The following GOSR2 variants were observed in gnomAD, a reference collection of about 807,000 sequenced individuals.
The protein encoded by GOSR2 is 27 kDa Golgi SNARE protein.
Under a neutral mutation model 27.9 loss-of-function variants are expected in GOSR2, and 20 were observed. The observed-to-expected ratio is 0.72, with a 90% CI of 0.50 to 1.04. The LOEUF (loss-of-function observed/expected upper bound fraction) is 1.04, where lower values mean the gene tolerates loss of function less well. Among genes scored for constraint, GOSR2 ranks in the 50% least tolerant of loss-of-function variants. The pLI, the probability that GOSR2 is intolerant of heterozygous loss-of-function variation, is 0.00. For synonymous variants in GOSR2, 91 were observed against 98.8 expected (o/e 0.92, Z 0.47); for missense variants, 261 against 270.5 (o/e 0.97, Z 0.25).
At chr17:46,923,261 C>T (rs1382099701) in intron 1 of GOSR2, 40 bp downstream of exon 1, 3 of 1,549,748 alleles carry the variant, frequency 1.9e-6, no homozygotes, top group Non-Finnish European at 2.6e-6. Flanking sequence ...CTAGACGAGG[C>T]GAGGCCAGGT....
In GOSR2 at chr17:46,966,626, G is replaced by A. The variant is rs1461610513; in HGVS notation, c.676G>A (p.Gly226Ser). 1.3e-5 allele frequency: 9 copies of A among 667,882 alleles called. No homozygotes were observed. The East Asian group carries it at 1.4e-4, about 10-fold the overall frequency. The allele number at this position is 667,882 out of a possible 1,614,324, so 41.4% of individuals were successfully genotyped here. A position where few individuals can be genotyped will look rare whatever the true frequency, so the allele number is the denominator to read the frequency against. The change falls in exon 7 of 7, where the codon GGT (glycine) becomes AGT (serine). Residue 226 changes from glycine (G) to serine (S), a missense_variant. Gly to Ser is a moderately conservative substitution (Grantham distance 56). Transcript: ENST00000573224. ...AGCCTCCCGAAGTGCTGGGATTATAGGTATGAGCCACCACCCTGACCTCCA... is the reference window on the plus strand; with the variant it reads ...AGCCTCCCGAAGTGCTGGGATTATAAGTATGAGCCACCACCCTGACCTCCA...
At chr17:46,965,985 A>G (rs1334428446) in intron 6 of GOSR2, among the ~76,000 whole-genome samples, 1 of 151,930 alleles carries the variant, frequency 6.6e-6, no homozygotes, top group Non-Finnish European at 1.5e-5. Flanking sequence ...GGGCTGGAGT[A>G]TTTAGCCCAC....
chr17:46,925,922 G>A (rs1423182559), intron 1 of GOSR2, among the ~76,000 whole-genome samples: 3 of 152,112 alleles, frequency 2.0e-5, no homozygotes, highest in Admixed American at 1.3e-4. Context: ...CTTTATAGAG[G>A]AGCTAATAGC....
exon 7 of GOSR2, chr17:46,975,337 G>T (rs1239231547): frequency 6.6e-6 from 1 of 152,190 alleles, no homozygotes; most frequent in African/African-American, 2.4e-5. Context: ...ATTTATCGGT[G>T]CATCCTGGGA....
Position 46,928,532 on chromosome 17 carries a change from G to A in GOSR2, c.30-988G>A, listed in dbSNP as rs184574205. Among the ~76,000 whole-genome samples the A allele has an allele frequency of 1.1e-4, 17 of 152,248 alleles. No homozygotes were observed. In the East Asian group the frequency reaches 2.7e-3, roughly 24 times the overall value. ...TGATCATGGAGGACCATTAGGAAGG[G>A]GGTCTTAAGGATGACCTTGGCCAGA... On this transcript the variant is annotated intron_variant, in intron 1 of 5. Coordinates refer to ENST00000640051, the MANE Select transcript of GOSR2 (RefSeq NM_004287.5).
At chr17:46,971,057 G>A (rs981011328), downstream of GOSR2, among the ~76,000 whole-genome samples, 10 of 151,924 alleles carry the variant, frequency 6.6e-5, no homozygotes, top group Non-Finnish European at 8.8e-5. Flanking sequence ...TTGTATCATC[G>A]CTTTAAAACA....
At position 46,940,773 on chromosome 17, in the gene GOSR2, T is replaced by C; in HGVS notation, c.*2013T>C. ...CACCTTCAGAGCCAGTCCTCTAGTT[T>C]GGAATAAAAATTGCAGAGGTGGTTT... On this transcript the variant is annotated 3_prime_UTR_variant, in exon 6 of 6. Transcript: ENST00000640051. 1 of 1,523,548 alleles carries C rather than the reference T, an allele frequency of 6.6e-7. No homozygotes were observed. The highest frequency in any genetic ancestry group is 8.8e-7 in the Non-Finnish European group (1 of 1,137,494). The allele number at this position is 1,523,548 out of a possible 1,614,324, so 94.4% of individuals were successfully genotyped here.
intron 4 of GOSR2, chr17:46,932,497 A>G: frequency 1.7e-6 from 1 of 592,246 alleles, no homozygotes; most frequent in Non-Finnish European, 3.0e-6. Flanking sequence ...CATGGTGGAA[A>G]CGTTTTTCTG....
chr17:46,926,429 C>A (rs183176283), intron 1 of GOSR2, among the ~76,000 whole-genome samples: 1 of 152,240 alleles, frequency 6.6e-6, no homozygotes, highest in East Asian at 1.9e-4. Flanking sequence ...TTAAAAAATT[C>A]TTCCTAGATC....
At chr17:46,923,533 GTCAACTCGGTGCTCC>G in intron 1 of GOSR2, 1 of 1,340,224 alleles carries the variant, frequency 7.5e-7, no homozygotes, top group African/African-American at 1.5e-5. Context: ...TCCAGCACTT[GTCAACTCGGTGCTCC>G]TGGTTGGTAG....
downstream of GOSR2, among the ~76,000 whole-genome samples, chr17:46,944,509 T>TC (rs1391398583): frequency 2.0e-5 from 3 of 151,820 alleles, no homozygotes; most frequent in Non-Finnish European, 4.4e-5. Flanking sequence ...CTTCCTGGAG[T>TC]CCCCCAGAGA....
chr17:46,956,568 CT>C (rs1279968502), intron 6 of GOSR2, among the ~76,000 whole-genome samples: 3 of 152,314 alleles, frequency 2.0e-5, no homozygotes, highest in Admixed American at 2.0e-4. Flanking sequence ...TACCAAAGTG[CT>C]GGGATTACAG....
At chr17:46,933,434 C>T (rs1406656489) in intron 4 of GOSR2, 4 of 152,202 alleles carry the variant, frequency 2.6e-5, no homozygotes, top group Admixed American at 6.5e-5. Flanking sequence ...GTCTTTCAAA[C>T]GCCAGCATCT....
intron 6 of GOSR2, among the ~76,000 whole-genome samples, chr17:46,951,180 T>C (rs1405748892): frequency 3.9e-5 from 6 of 152,164 alleles, no homozygotes; most frequent in African/African-American, 1.2e-4. Context: ...CAGACCACGC[T>C]GTCCCTAGGA....
Position 46,940,394 on chromosome 17 carries a change from T to A in GOSR2, c.*1634T>A. On this transcript the variant is annotated 3_prime_UTR_variant, in exon 6 of 6. Coordinates refer to ENST00000640051, the MANE Select transcript of GOSR2 (RefSeq NM_004287.5). ...AGTGACTGGAGGGTGGACTGGGGGG[T>A]TGCAGCATCTTTAGACCTAGATCTG... The A allele has an allele frequency of 6.4e-7, 1 of 1,551,794 alleles. No individual in the cohort carries two copies. The highest frequency in any genetic ancestry group is 1.2e-5 in the South Asian group (1 of 85,646).
intron 2 of GOSR2, 68 bp downstream of exon 2, chr17:46,929,652 T>C (rs566881561): frequency 1.6e-5 from 13 of 820,910 alleles, no homozygotes; most frequent in East Asian, 1.5e-4. Context: ...CTGGGCTTCC[T>C]GACTGCACTC....
rs546817703 is a variant in GOSR2, at chr17:46,964,172, G to C, written c.584-2362G>C. The C allele has an allele frequency of 5.9e-5, 9 of 152,226 alleles. No homozygotes were observed. In the East Asian group the frequency reaches 1.5e-3, roughly 26 times the overall value. The allele number at this position is 152,226 out of a possible 1,614,324, so 9.4% of individuals were successfully genotyped here. On this transcript the variant is annotated intron_variant, in intron 6 of 6. Coordinates refer to the GOSR2 transcript ENST00000573224. ...ATTCTTCTGGGACATCAGGTGTTAG[G>C]GACCATCTTAGTCCCTACCTCAGTT...
chr17:46,938,477 T>C (rs1599052945), intron 5 of GOSR2, 122 bp from the exon 6 acceptor site: 2 of 1,477,630 alleles, frequency 1.4e-6, no homozygotes, highest in East Asian at 2.3e-5. Context: ...TATTGCTTTC[T>C]GTGTATTCTG....
At position 46,938,944 on chromosome 17, in the gene GOSR2, G is replaced by T; in HGVS notation, c.*184G>T. ...TGTTTTCTGTGACATCTTGGAGGGG[G>T]AGCTAGTGCCACCACCATGCGCGGT... On this transcript the variant is annotated 3_prime_UTR_variant, in exon 6 of 6. Coordinates refer to ENST00000640051, the MANE Select transcript of GOSR2 (RefSeq NM_004287.5). The T allele has an allele frequency of 1.3e-6, 2 of 1,493,532 alleles. No individual in the cohort carries two copies. Among genetic ancestry groups the T allele is most frequent in the Non-Finnish European group, 1.8e-6 (2 of 1,120,524 alleles). 92.5% of individuals were successfully genotyped at this position (1,493,532 alleles called of 1,614,324 possible). A position where few individuals can be genotyped will look rare whatever the true frequency, so the allele number is the denominator to read the frequency against.
Sources: gnomAD v4.1 joint callset for allele counts (sites outside exome capture counted in the v4.1 genomes callset) on GRCh38, gnomAD v4.1.1 for gene constraint, MANE v1.5 for transcripts, NCBI Gene and HGNC (gene_info 2026-07-23, HGNC 2026-07-21) for gene names.